The following PIEZO2 variants were observed in gnomAD, a reference collection of about 807,000 sequenced individuals.
PIEZO2 encodes the protein piezo-type mechanosensitive ion channel component 2.
In PIEZO2, 172 loss-of-function variants were observed where a neutral mutation model predicts 337.3. The observed-to-expected ratio is 0.51, with a 90% CI of 0.45 to 0.58. The LOEUF (loss-of-function observed/expected upper bound fraction) is 0.58. PIEZO2 is among the 20% of genes least tolerant of loss of function. The probability of loss-of-function intolerance (pLI) is 0.00; values close to 1 mark genes in which losing one functional copy is unlikely to be tolerated. For synonymous variants in PIEZO2, 1,251 were observed against 1,228.5 expected, an observed-to-expected ratio of 1.02 and a Z score of -0.38; for missense variants, 3,028 against 3,391.3, an observed-to-expected ratio of 0.89 and a Z score of 2.66.
Position 10,803,857 on chromosome 18 carries a change from C to T in PIEZO2, c.1200+18G>A. 1 of 1,535,236 alleles carries T rather than the reference C, an allele frequency of 6.5e-7. No homozygotes were observed. The highest frequency in any genetic ancestry group is 8.7e-7 in the Non-Finnish European group (1 of 1,146,136). Reference sequence around the variant, plus strand: ...ACAGAAAAATTAGGGAACGGAAATCCCTTTCATCATGGCTTACTTTTCTCT... The same window carrying T: ...ACAGAAAAATTAGGGAACGGAAATCTCTTTCATCATGGCTTACTTTTCTCT... On this transcript the variant is annotated intron_variant, in intron 9 of 55. Coordinates refer to ENST00000674853, the MANE Select transcript of PIEZO2 (RefSeq NM_001378183.1).
chr18:10,831,779 C>T (rs528385601), intron 7 of PIEZO2, among the ~76,000 whole-genome samples: 2 of 152,184 alleles, frequency 1.3e-5, no homozygotes, highest in South Asian at 4.2e-4. Context: ...CATATATATA[C>T]CTACTATGTA....
At chr18:10,893,085 C>A (rs146439154) in intron 4 of PIEZO2, among the ~76,000 whole-genome samples, 1 of 152,308 alleles carries the variant, frequency 6.6e-6, no homozygotes, top group African/African-American at 2.4e-5. Context: ...ACTGTTTCTA[C>A]TGCGAATCCC....
intron 2 of PIEZO2, among the ~76,000 whole-genome samples, chr18:11,011,881 C>A (rs2035916317): frequency 6.6e-6 from 1 of 152,136 alleles, no homozygotes; most frequent in African/African-American, 2.4e-5. Flanking sequence ...TTTGGGAGGC[C>A]AAGGTGGGAG....
rs1214966103 is a variant in PIEZO2 at position 11,146,144 on chromosome 18, G to A, written c.64+2381C>T. On this transcript the variant is annotated intron_variant, in intron 1 of 55. Transcript: ENST00000674853. The surrounding 1 kb of genome is among the most constrained non-coding windows in gnomAD (Gnocchi z 6.1). ...TCTCCCTGAACCCAGAGAGGTGTGGGAGTCCTGAAGAATGAGCTGGATAAA... is the reference window on the plus strand; with the variant it reads ...TCTCCCTGAACCCAGAGAGGTGTGGAAGTCCTGAAGAATGAGCTGGATAAA... Among the ~76,000 whole-genome samples the A allele has an allele frequency of 6.6e-6, 1 of 152,168 alleles. No homozygotes were observed. Among genetic ancestry groups the A allele is most frequent in the Non-Finnish European group, 1.5e-5 (1 of 68,038 alleles).
At position 10,697,650 on chromosome 18, in the gene PIEZO2, G is replaced by A. The variant is rs543369206; in HGVS notation, c.6827+98C>T. The A allele has an allele frequency of 4.1e-6, 6 of 1,458,666 alleles. No homozygotes were observed. In the South Asian group the frequency reaches 4.2e-5, roughly 10 times the overall value. 90.4% of individuals were successfully genotyped at this position (1,458,666 alleles called of 1,614,324 possible). On this transcript the variant is annotated intron_variant, in intron 45 of 55. Transcript: ENST00000674853. ...CTTACGCAGATAACATTTGTGACACGAGAAGTTACTTCTCTGCTCTGCTCC... is the reference window on the plus strand; with the variant it reads ...CTTACGCAGATAACATTTGTGACACAAGAAGTTACTTCTCTGCTCTGCTCC...
At chr18:10,735,211 C>T (rs1304005846) in intron 35 of PIEZO2, among the ~76,000 whole-genome samples, 21 bp downstream of exon 35, 1 of 152,134 alleles carries the variant, frequency 6.6e-6, no homozygotes, top group Non-Finnish European at 1.5e-5. Context: ...ACACACTACA[C>T]ATCAGTAAAA....
At chr18:10,681,424 C>T (rs2034259553) in intron 51 of PIEZO2, among the ~76,000 whole-genome samples, 1 of 152,178 alleles carries the variant, frequency 6.6e-6, no homozygotes, top group South Asian at 2.1e-4. Context: ...AAAAGTTAAA[C>T]AATTTTTAAA....
chr18:10,741,023 A>C lies in PIEZO2; in HGVS notation c.4708+8T>G. The C allele has an allele frequency of 6.5e-7, 1 of 1,537,214 alleles. No homozygotes were observed. The highest frequency in any genetic ancestry group is 8.7e-7 in the Non-Finnish European group (1 of 1,146,872). On this transcript the variant is annotated splice_region_variant and intron_variant, in intron 33 of 55. Transcript: ENST00000674853. ...CGATGAGGTTGTAAGGGGATCGAGA[A>C]AACCTACTGGAAGCATGATCAACCC... is the stretch of plus-strand genomic sequence containing the variant.
intron 11 of PIEZO2, among the ~76,000 whole-genome samples, chr18:10,797,883 C>T (rs2039668254): frequency 6.6e-6 from 1 of 152,210 alleles, no homozygotes; most frequent in African/African-American, 2.4e-5. Context: ...AAATAGGGCA[C>T]TCTAGAGGGG....
rs1177226417 is a variant in PIEZO2 at position 11,083,602 on chromosome 18, C to T, written c.65-17380G>A. 8.8e-6 allele frequency among the ~76,000 whole-genome samples: 1 copy of T among 114,250 alleles called. No individual in the cohort carries two copies. The highest frequency in any genetic ancestry group is 2.6e-4 in the East Asian group (1 of 3,840). 75.0% of individuals were successfully genotyped at this position (114,250 alleles called of 152,430 possible). A position where few individuals can be genotyped will look rare whatever the true frequency, so the allele number is the denominator to read the frequency against. The stretch of plus-strand genomic sequence containing the variant: ...GTGGCATGCAGAACTTCCAAAGTTA[C>T]TTATGAAAGGCTTGGTGCAGAGTCT... On this transcript the variant is annotated intron_variant, in intron 1 of 55. Coordinates refer to ENST00000674853, the MANE Select transcript of PIEZO2 (RefSeq NM_001378183.1). This position sits in a 1 kb window ranked among gnomAD's most constrained non-coding sequence, Gnocchi z 4.4.
rs930028163 is a variant in PIEZO2 at position 10,795,231 on chromosome 18, C to T, written c.1528-229G>A. On this transcript the variant is annotated intron_variant, in intron 12 of 55. Transcript: ENST00000674853. The surrounding 1 kb of genome is among the most constrained non-coding windows in gnomAD (Gnocchi z 4.4). ...CTCCATTAACACAGCAGAATGGTAC[C>T]GGACAAGGGCACATTTTTAATGAAG... is the stretch of plus-strand genomic sequence containing the variant. 6.6e-6 allele frequency among the ~76,000 whole-genome samples: 1 copy of T among 152,108 alleles called. No homozygotes were observed. Among genetic ancestry groups the T allele is most frequent in the African/African-American group, 2.4e-5 (1 of 41,490 alleles).
At position 10,856,415 on chromosome 18, in the gene PIEZO2, C is replaced by T. The variant is rs772455280; in HGVS notation, c.703+586G>A. ...CAGTTTGCTTGAGTCTACTCTAATA[C>T]GCCTCCCATAGCTCCGGGGCAGTGG... On this transcript the variant is annotated intron_variant, in intron 6 of 55. Transcript: ENST00000674853. This position sits in a 1 kb window ranked among gnomAD's most constrained non-coding sequence, Gnocchi z 4.7. Among the ~76,000 whole-genome samples, 1 of 152,072 alleles carries T rather than the reference C, an allele frequency of 6.6e-6. No homozygotes were observed. Among genetic ancestry groups the T allele is most frequent in the African/African-American group, 2.4e-5 (1 of 41,406 alleles).
In PIEZO2 at chr18:10,788,964, G is replaced by A. The variant is rs989886690; in HGVS notation, c.2169+115C>T. 1.3e-5 allele frequency: 15 copies of A among 1,175,692 alleles called. No individual in the cohort carries two copies. In the East Asian group the frequency reaches 3.1e-4, roughly 25 times the overall value. The allele number at this position is 1,175,692 out of a possible 1,614,324, so 72.8% of individuals were successfully genotyped here. A position where few individuals can be genotyped will look rare whatever the true frequency, so the allele number is the denominator to read the frequency against. On this transcript the variant is annotated intron_variant, in intron 15 of 55. Coordinates refer to ENST00000674853, the MANE Select transcript of PIEZO2 (RefSeq NM_001378183.1). ...TCTTGGGATACGATGTTTGAATCTT[G>A]CCAATCACTTTATCCATGTTCATGA... is the stretch of plus-strand genomic sequence containing the variant.
Position 10,895,336 on chromosome 18 carries a change from C to T in PIEZO2, c.329+15850G>A, listed in dbSNP as rs141563629. Among the ~76,000 whole-genome samples, 714 of 152,178 alleles carry T rather than the reference C, an allele frequency of 4.7e-3. 5 individuals are homozygous for T. The highest frequency in any genetic ancestry group is 0.016 in the African/African-American group (654 of 41,506). On this transcript the variant is annotated intron_variant, in intron 4 of 55. Transcript: ENST00000674853. The surrounding 1 kb of genome is among the most constrained non-coding windows in gnomAD (Gnocchi z 4.8). ...TGGTGCGCACCTGTAATAACAGCTA[C>T]TCGGGAGGCTGAGGCAGGAGAATCG...
chr18:11,046,634 G>A (rs887694984), intron 2 of PIEZO2, among the ~76,000 whole-genome samples: 1 of 152,226 alleles, frequency 6.6e-6, no homozygotes, highest in African/African-American at 2.4e-5. Flanking sequence ...GCCTCTCTAT[G>A]AGCCACTTTC....
chr18:10,714,867 T>C lies in PIEZO2; in HGVS notation c.5320A>G (p.Arg1774Gly), dbSNP rs1197281729. The change falls in exon 39 of 56, where the codon AGA (arginine) becomes GGA (glycine). Residue 1774 changes from arginine to glycine, a missense_variant. Physicochemically the swap from Arg to Gly is moderately radical, Grantham distance 125. Coordinates refer to ENST00000674853, the MANE Select transcript of PIEZO2 (RefSeq NM_001378183.1). ...YYQNHIMNLS[R>G]ESGLDTIDEH... The stretch of plus-strand genomic sequence containing the variant: ...TCAATGGTGTCCAGTCCCGACTCTC[T>C]GGAAAGGTTCATGATGTGGTTCTGA... 2.6e-6 allele frequency: 4 copies of C among 1,537,256 alleles called. No individual in the cohort carries two copies. Among genetic ancestry groups the C allele is most frequent in the African/African-American group, 1.4e-5 (1 of 73,162 alleles).
At chr18:10,744,772 T>A (rs1375084309) in intron 30 of PIEZO2, among the ~76,000 whole-genome samples, 3 of 152,182 alleles carry the variant, frequency 2.0e-5, no homozygotes, top group African/African-American at 7.2e-5. Context: ...TCTTTCTCAC[T>A]TCTCAGGTCA....
In PIEZO2 at chr18:10,742,542, G is replaced by T; in HGVS notation, c.4588C>A (p.Pro1530Thr). The T allele has an allele frequency of 6.5e-7, 1 of 1,537,062 alleles. No individual in the cohort carries two copies. Among genetic ancestry groups the T allele is most frequent in the Middle Eastern group, 1.7e-4 (1 of 5,990 alleles). ...TTTTGCATGTCCTGGCCTTCCCCTG[G>T]CTCCTGGGTCAAGCTCAGCATCCTC... ...KERMLSLTQE[P>T]GEGQDMQKLS... Residue 1530 changes from proline to threonine, a missense_variant, in exon 32 of 56, where the codon CCA (proline) becomes ACA (threonine). Coordinates refer to ENST00000674853, the MANE Select transcript of PIEZO2 (RefSeq NM_001378183.1).
intron 7 of PIEZO2, among the ~76,000 whole-genome samples, chr18:10,827,049 C>T (rs987972093): frequency 1.3e-4 from 19 of 151,990 alleles, no homozygotes; most frequent in Admixed American, 5.2e-4. Context: ...TGTTCTTATG[C>T]ATAGATATAT....
Sources: gnomAD v4.1 joint callset for allele counts (sites outside exome capture counted in the v4.1 genomes callset) on GRCh38, gnomAD v4.1.1 for gene constraint, Gnocchi (gnomAD v3.1) non-coding constraint, MANE v1.5 for transcripts, NCBI Gene and HGNC (gene_info 2026-07-23, HGNC 2026-07-21) for gene names.